SAXO3: variants seen among roughly 807,000 people sequenced by gnomAD.
SAXO3 encodes the protein stabilizer of axonemal microtubules 3.
the SAXO3 span, chr19:49,018,015 T>C: frequency 8.0e-5 from 32 of 398,500 alleles, no homozygotes; most frequent in Non-Finnish European, 2.2e-5. Context: ...TTCTCGGTAC[T>C]GTAGGCTTTC....
the SAXO3 span, chr19:49,019,063 T>C: frequency 2.7e-6 from 4 of 1,469,148 alleles, no homozygotes; most frequent in African/African-American, 5.6e-5. Context: ...TCCCAAGCCC[T>C]GGGTCCCGAG....
the SAXO3 span, chr19:49,019,679 G>T: frequency 8.0e-7 from 1 of 1,243,154 alleles, no homozygotes; most frequent in Non-Finnish European, 1.0e-6. Flanking sequence ...TGGTCTGCGA[G>T]TTGTGGGGGC....
At chr19:49,018,197 G>T in the SAXO3 span, 1 of 467,724 alleles carries the variant, frequency 2.1e-6, no homozygotes, top group Non-Finnish European at 3.5e-6. Flanking sequence ...GCTGACGCGC[G>T]GCACGCGGAC....
chr19:49,020,423 A>T, the SAXO3 span: 1 of 399,058 alleles, frequency 2.5e-6, no homozygotes, highest in Non-Finnish European at 4.4e-6. Flanking sequence ...TGCGGTGGGA[A>T]AAGTAGCTGC....
chr19:49,019,423 G>C, the SAXO3 span: 1 of 1,256,600 alleles, frequency 8.0e-7, no homozygotes, highest in South Asian at 3.5e-5. Flanking sequence ...CCCACCCACA[G>C]CCCGCCGTCT....
chr19:49,018,285 C>T, the SAXO3 span: 103 of 1,144,588 alleles, frequency 9.0e-5, no homozygotes, highest in Middle Eastern at 6.5e-4. Context: ...TGGGGCGTCT[C>T]TTCGAAGCTC....
At chr19:49,019,909 C>A in the SAXO3 span, 1 of 1,478,344 alleles carries the variant, frequency 6.8e-7, no homozygotes, top group South Asian at 1.2e-5. Context: ...CAAACTTTAC[C>A]TTTTCTCCTA....
the SAXO3 span, chr19:49,019,342 C>T: frequency 3.4e-6 from 4 of 1,191,292 alleles, no homozygotes; most frequent in African/African-American, 3.2e-5. Flanking sequence ...TGAGCTGCAT[C>T]TTGGGCAGCA....
At chr19:49,019,811 G>A in the SAXO3 span, 63 of 1,250,606 alleles carry the variant, frequency 5.0e-5, no homozygotes, top group Non-Finnish European at 6.5e-5. Context: ...TGTCTGAGCT[G>A]CGGAAAGGCG....
At chr19:49,018,960 C>A in the SAXO3 span, 2 of 1,533,956 alleles carry the variant, frequency 1.3e-6, no homozygotes, top group Admixed American at 2.0e-5. Flanking sequence ...TGTGAAAGGC[C>A]GGCCAGACAG....
the SAXO3 span, chr19:49,018,945 G>T: frequency 1.3e-6 from 2 of 1,534,494 alleles, no homozygotes; most frequent in East Asian, 2.4e-5. Flanking sequence ...GCCCCGGTCG[G>T]ATACTGTGAA....
the SAXO3 span, chr19:49,019,370 C>T: frequency 1.6e-6 from 2 of 1,241,750 alleles, no homozygotes; most frequent in Non-Finnish European, 2.0e-6. Context: ...GTTACCTCTC[C>T]CAACTCCCAC....
chr19:49,019,898 C>T, the SAXO3 span: 5 of 1,448,762 alleles, frequency 3.5e-6, no homozygotes, highest in Admixed American at 9.9e-5. Flanking sequence ...CCGGCACTCC[C>T]CAAACTTTAC....
At chr19:49,019,351 C>G in the SAXO3 span, 1 of 1,201,648 alleles carries the variant, frequency 8.3e-7, no homozygotes, top group South Asian at 3.6e-5. Flanking sequence ...TCTTGGGCAG[C>G]AACTCCAAGT....
the SAXO3 span, chr19:49,018,308 G>T: frequency 1.8e-5 from 22 of 1,206,418 alleles, no homozygotes; most frequent in Admixed American, 2.5e-4. Context: ...GTAGGTCAGG[G>T]AGTCCTTGCG....
At chr19:49,020,428 A>G in the SAXO3 span, 2 of 399,338 alleles carry the variant, frequency 5.0e-6, no homozygotes, top group Non-Finnish European at 8.8e-6. Flanking sequence ...TGGGAAAAGT[A>G]GCTGCTGGTG....
chr19:49,019,767 G>A, the SAXO3 span: 1 of 1,221,958 alleles, frequency 8.2e-7, no homozygotes, highest in Non-Finnish European at 1.1e-6. Context: ...CGCTGCTCTG[G>A]TACTTTGTGG....
At chr19:49,018,066 C>A in the SAXO3 span, 5 of 398,592 alleles carry the variant, frequency 1.3e-5, no homozygotes, top group Non-Finnish European at 2.2e-5. Flanking sequence ...CAGTGCGGGC[C>A]GCCCCAGGGC....
At chr19:49,019,574 G>A in the SAXO3 span, 6 of 1,221,854 alleles carry the variant, frequency 4.9e-6, no homozygotes, top group Non-Finnish European at 5.2e-6. Flanking sequence ...CCAAAGCCGT[G>A]ATTCCTTCTG....
Sources: allele counts gnomAD v4.1 joint callset, GRCh38; gene constraint gnomAD v4.1.1; transcripts MANE v1.5; gene names NCBI Gene and HGNC (gene_info 2026-07-23, HGNC 2026-07-21).